The following METTL16 variants were observed in gnomAD, a reference collection of about 807,000 sequenced individuals.
METTL16 encodes methyltransferase 16, RNA N6-adenosine.
In METTL16, 19 loss-of-function variants were observed where a neutral mutation model predicts 57.9. That is an observed-to-expected ratio of 0.33 (90% confidence interval 0.23 to 0.48). METTL16 has a LOEUF of 0.48. Among genes scored for constraint, METTL16 ranks in the 20% least tolerant of loss-of-function variants. The pLI is 0.99. For synonymous variants in METTL16, 246 were observed against 255.6 expected (o/e 0.96, Z 0.36); for missense variants, 434 against 691.5 (o/e 0.63, Z 4.18).
At chr17:2,431,370 A>T (rs974000501) in intron 8 of METTL16, among the ~76,000 whole-genome samples, 2 of 152,122 alleles carry the variant, frequency 1.3e-5, no homozygotes, top group Non-Finnish European at 2.9e-5. Context: ...TACCCTTTCT[A>T]CTATTTAGAG....
intron 2 of METTL16, among the ~76,000 whole-genome samples, chr17:2,489,377 G>A (rs972652418): frequency 8.6e-5 from 13 of 151,938 alleles, no homozygotes; most frequent in Non-Finnish European, 1.8e-4. Context: ...GATTTCGGCC[G>A]GGCGCAGTGG....
chr17:2,459,608 T>C (rs182320123), intron 6 of METTL16, among the ~76,000 whole-genome samples: 189 of 152,354 alleles, frequency 1.2e-3, no homozygotes, highest in African/African-American at 4.3e-3. Context: ...GGCACTTGTT[T>C]ATAATCTCTT....
At chr17:2,434,398 A>T (rs1173663607) in intron 8 of METTL16, among the ~76,000 whole-genome samples, 1 of 152,102 alleles carries the variant, frequency 6.6e-6, no homozygotes, top group Non-Finnish European at 1.5e-5. Context: ...TATTTTTAGT[A>T]GAGATGGGGT....
At chr17:2,442,523 G>A (rs1356756720) in intron 6 of METTL16, among the ~76,000 whole-genome samples, 1 of 152,002 alleles carries the variant, frequency 6.6e-6, no homozygotes, top group Admixed American at 6.6e-5. Flanking sequence ...AGCAGAAACT[G>A]AGGAAAGAGA....
At chr17:2,509,079 C>T (rs1485952272) in intron 1 of METTL16, among the ~76,000 whole-genome samples, 1 of 152,192 alleles carries the variant, frequency 6.6e-6, no homozygotes, top group Non-Finnish European at 1.5e-5. Context: ...TGCCCATCTA[C>T]ACGCTTTCAA....
rs151243491 is a variant in METTL16 at position 2,442,193 on chromosome 17, T to C, written c.729-634A>G. On this transcript the variant is annotated intron_variant, in intron 6 of 9. Transcript: ENST00000263092. ...CATGAAAGATTAGTTACTATGGGAA[T>C]TGCCCTTCCACCATAAACAACCAGG... Among the ~76,000 whole-genome samples, 267 of 152,340 alleles carry C rather than the reference T, an allele frequency of 1.8e-3. 1 individual carries two copies. The highest frequency in any genetic ancestry group is 6.2e-3 in the African/African-American group (258 of 41,586).
chr17:2,423,265 T>G (rs979827117), intron 8 of METTL16, among the ~76,000 whole-genome samples: 1 of 66,686 alleles, frequency 1.5e-5, no homozygotes, highest in Non-Finnish European at 2.3e-5. Context: ...ACAAAGGGTG[T>G]GTGTGTGTGT....
At chr17:2,462,868 CAAT>C (rs2067160552) in intron 6 of METTL16, among the ~76,000 whole-genome samples, 1 of 152,040 alleles carries the variant, frequency 6.6e-6, no homozygotes, top group South Asian at 2.1e-4. Flanking sequence ...GTATTTACCA[CAAT>C]AATAATAATA....
At chr17:2,508,074 T>G (rs868446840) in intron 1 of METTL16, among the ~76,000 whole-genome samples, 1 of 151,472 alleles carries the variant, frequency 6.6e-6, no homozygotes, top group East Asian at 1.9e-4. Flanking sequence ...ACTATTGTCC[T>G]GTGACCCTGC....
chr17:2,450,565 C>T (rs939994445), intron 6 of METTL16, among the ~76,000 whole-genome samples: 4 of 152,088 alleles, frequency 2.6e-5, no homozygotes, highest in South Asian at 2.1e-4. Context: ...TACCTCAGGA[C>T]GACTGACTGA....
At chr17:2,424,065 G>C (rs2066789868) in intron 8 of METTL16, 1 of 151,564 alleles carries the variant, frequency 6.6e-6, no homozygotes, top group Non-Finnish European at 1.5e-5. Context: ...TGATATTCCT[G>C]AAGATTTTTT....
chr17:2,472,367 G>A (rs1398283034), intron 4 of METTL16, among the ~76,000 whole-genome samples: 2 of 152,132 alleles, frequency 1.3e-5, no homozygotes, highest in Admixed American at 1.3e-4. Context: ...ACAGTACTCT[G>A]GAAGACAGTT....
intron 6 of METTL16, among the ~76,000 whole-genome samples, chr17:2,442,819 G>T (rs1399397606): frequency 6.6e-6 from 1 of 150,816 alleles, no homozygotes; most frequent in African/African-American, 2.5e-5. Flanking sequence ...GGAAGAAATA[G>T]ATAACTTCAA....
intron 8 of METTL16, among the ~76,000 whole-genome samples, chr17:2,429,377 G>A (rs1205057859): frequency 1.4e-5 from 2 of 146,882 alleles, no homozygotes; most frequent in African/African-American, 2.5e-5. Flanking sequence ...TAATAGAGAC[G>A]GGGATTCACT....
At chr17:2,466,258 C>T (rs1484341358) in intron 5 of METTL16, among the ~76,000 whole-genome samples, 1 of 151,202 alleles carries the variant, frequency 6.6e-6, no homozygotes, top group African/African-American at 2.4e-5. Flanking sequence ...AGCCAAGAAG[C>T]TCAGTCCAGG....
intron 4 of METTL16, among the ~76,000 whole-genome samples, chr17:2,472,563 G>A (rs1244946877): frequency 6.6e-6 from 1 of 151,978 alleles, no homozygotes; most frequent in African/African-American, 2.4e-5. Flanking sequence ...TAGGTGAATG[G>A]AGAAACTCTG....
chr17:2,505,689 G>C (rs1036032745), intron 1 of METTL16, among the ~76,000 whole-genome samples: 9 of 151,944 alleles, frequency 5.9e-5, no homozygotes, highest in African/African-American at 2.2e-4. Context: ...ACCGCACCTG[G>C]TTTACAGTAG....
At chr17:2,443,751 G>A (rs376334050) in intron 6 of METTL16, among the ~76,000 whole-genome samples, 13 of 152,132 alleles carry the variant, frequency 8.5e-5, no homozygotes, top group Admixed American at 2.6e-4. Context: ...CGTCCACCTC[G>A]GCCTCCCGAA....
chr17:2,488,304 C>A (rs2067358336), intron 2 of METTL16, among the ~76,000 whole-genome samples: 1 of 152,282 alleles, frequency 6.6e-6, no homozygotes, highest in South Asian at 2.1e-4. Context: ...CGCCTGTAAT[C>A]CCAACACTTT....
Sources: allele counts gnomAD v4.1 joint callset (sites outside exome capture counted in the v4.1 genomes callset), GRCh38; gene constraint gnomAD v4.1.1; transcripts MANE v1.5; gene names NCBI Gene and HGNC (gene_info 2026-07-23, HGNC 2026-07-21).